The following TEK variants were observed in gnomAD, a reference collection of about 807,000 sequenced individuals.
TEK encodes TEK receptor tyrosine kinase, also known as angiopoietin-1 receptor.
Under a neutral mutation model 131.8 loss-of-function variants are expected in TEK, and 43 were observed. That is an observed-to-expected ratio of 0.33 (90% confidence interval 0.26 to 0.42). The LOEUF (loss-of-function observed/expected upper bound fraction) is 0.42. Ranked by LOEUF, TEK falls within the 10% of genes least tolerant of loss-of-function variation. TEK has a pLI of 1.00. For missense variants in TEK, 1,162 were observed against 1,384.4 expected (o/e 0.84, Z 2.55); for synonymous variants, 580 against 491.6 (o/e 1.18, Z -2.38).
rs555570860 is a variant in TEK at position 27,188,576 on chromosome 9, GC to G, written c.1328-1951del. 1.4e-3 allele frequency among the ~76,000 whole-genome samples: 220 copies of G among 152,254 alleles called. 1 individual carries two copies. The highest frequency in any genetic ancestry group is 5.1e-3 in the African/African-American group (212 of 41,562). ...ACTTACAGCACTGCCCTCCTTTCTA[GC>G]CTAAGTGAAATGTGTACTCAGACTT... On this transcript the variant is annotated intron_variant, in intron 9 of 22. Coordinates refer to ENST00000380036, the MANE Select transcript of TEK (RefSeq NM_000459.5).
chr9:27,136,434 T>G lies in TEK; in HGVS notation c.53-21397T>G, dbSNP rs551550310. On this transcript the variant is annotated intron_variant, in intron 1 of 22. Coordinates refer to ENST00000380036, the MANE Select transcript of TEK (RefSeq NM_000459.5). ...ACTGAGCTGCGGCTTCAATTGACTT[T>G]ACTTTAATTCACTCACTCTTATGCC... Among the ~76,000 whole-genome samples the G allele has an allele frequency of 9.7e-4, 147 of 152,300 alleles. 1 individual carries two copies. The highest frequency in any genetic ancestry group is 3.3e-3 in the African/African-American group (138 of 41,562).
intron 2 of TEK, among the ~76,000 whole-genome samples, chr9:27,158,903 C>T (rs557659575): frequency 5.3e-5 from 8 of 152,328 alleles, no homozygotes; most frequent in African/African-American, 1.9e-4. Context: ...TCGTGATCTG[C>T]CCGCCATGGC....
In TEK at chr9:27,158,014, C is replaced by T; in HGVS notation, c.236C>T (p.Thr79Ile). 2 of 1,613,900 alleles carry T rather than the reference C, an allele frequency of 1.2e-6. No individual in the cohort carries two copies. The highest frequency in any genetic ancestry group is 3.3e-5 in the Admixed American group (2 of 59,984). Residue 79 changes from threonine to isoleucine, a missense_variant, in exon 2 of 23, where the codon ACC (threonine) becomes ATC (isoleucine). Transcript: ENST00000380036. ...CCGCTGGAAGTTACTCAAGATGTGA[C>T]CAGAGAATGGGCTAAAAAAGTTGTT... ...QDPLEVTQDV[T>I]REWAKKVVWK...
At chr9:27,124,346 T>C (rs1268217988) in intron 1 of TEK, among the ~76,000 whole-genome samples, 2 of 152,256 alleles carry the variant, frequency 1.3e-5, no homozygotes, top group Non-Finnish European at 2.9e-5. Flanking sequence ...GCTCTGCTCC[T>C]TGCTGTAGGT....
At chr9:27,153,089 G>A (rs1823191497) in intron 1 of TEK, among the ~76,000 whole-genome samples, 2 of 152,168 alleles carry the variant, frequency 1.3e-5, no homozygotes, top group African/African-American at 4.8e-5. Flanking sequence ...TGTTAACTTG[G>A]TAGACGTCAT....
intron 18 of TEK, among the ~76,000 whole-genome samples, chr9:27,216,100 A>G (rs7033791): frequency 0.012 from 1,827 of 152,288 alleles, 38 homozygotes; most frequent in African/African-American, 0.042. Context: ...TGGAAGAGGA[A>G]GCAAGGATAA....
intron 1 of TEK, among the ~76,000 whole-genome samples, chr9:27,118,548 C>T (rs975234044): frequency 1.3e-5 from 2 of 152,148 alleles, no homozygotes; most frequent in East Asian, 1.9e-4. Flanking sequence ...ATAGATGGAT[C>T]GCTTTAGCCT....
chr9:27,198,932 G>A (rs1395947714), intron 12 of TEK, among the ~76,000 whole-genome samples: 9 of 151,950 alleles, frequency 5.9e-5, no homozygotes, highest in Non-Finnish European at 1.3e-4. Flanking sequence ...TGAGTAGCTG[G>A]GACCACAGGC....
At chr9:27,224,690 C>T (rs1826238111) in intron 21 of TEK, among the ~76,000 whole-genome samples, 1 of 152,152 alleles carries the variant, frequency 6.6e-6, no homozygotes, top group Non-Finnish European at 1.5e-5. Context: ...CCTTTGAAAA[C>T]CGGCATAAGA....
chr9:27,173,922 C>T (rs1428041961), intron 6 of TEK, among the ~76,000 whole-genome samples: 1 of 139,124 alleles, frequency 7.2e-6, no homozygotes, highest in Admixed American at 7.3e-5. Context: ...AGAGTGAGAC[C>T]TCGTTTAAAA....
At chr9:27,227,400 G>A (rs1380614889) in intron 21 of TEK, among the ~76,000 whole-genome samples, 1 of 152,154 alleles carries the variant, frequency 6.6e-6, no homozygotes, top group Non-Finnish European at 1.5e-5. Context: ...AATTACTTTG[G>A]AAACTTTGTG....
In TEK at chr9:27,178,562, A is replaced by G. The variant is rs76467418; in HGVS notation, c.902-1678A>G. 2.2e-4 allele frequency among the ~76,000 whole-genome samples: 34 copies of G among 152,292 alleles called. No homozygotes were observed. The East Asian group carries it at 5.6e-3, about 25-fold the overall frequency. ...AGATAACTTAGTTGTGATTGATACT[A>G]AAAATAAAGACTGCATTTTAGCTGG... On this transcript the variant is annotated intron_variant, in intron 6 of 22. Transcript: ENST00000380036.
At chr9:27,137,827 T>C (rs1237247351) in intron 1 of TEK, among the ~76,000 whole-genome samples, 2 of 151,808 alleles carry the variant, frequency 1.3e-5, no homozygotes, top group African/African-American at 4.9e-5. Context: ...CCTTTCCTGG[T>C]TGTATTAGTT....
intron 21 of TEK, among the ~76,000 whole-genome samples, chr9:27,226,556 G>T (rs1365138859): frequency 6.6e-6 from 1 of 151,312 alleles, no homozygotes; most frequent in African/African-American, 2.4e-5. Context: ...ACAGGGAGGG[G>T]AATATCACAC....
At chr9:27,112,905 C>G (rs761172714) in intron 1 of TEK, among the ~76,000 whole-genome samples, 1 of 152,170 alleles carries the variant, frequency 6.6e-6, no homozygotes, top group Non-Finnish European at 1.5e-5. Context: ...TGAATGACAC[C>G]TAGGTTTTGG....
intron 1 of TEK, among the ~76,000 whole-genome samples, chr9:27,131,728 G>A (rs1245767856): frequency 6.6e-6 from 1 of 151,120 alleles, no homozygotes; most frequent in Non-Finnish European, 1.5e-5. Flanking sequence ...GGTCTCTTGA[G>A]CCCTGGATGT....
At chr9:27,185,357 C>A in intron 8 of TEK, 128 bp from the exon 9 acceptor site, 1 of 1,148,902 alleles carries the variant, frequency 8.7e-7, no homozygotes, top group Non-Finnish European at 1.3e-6. Context: ...ATTATATTAG[C>A]ATTACATTTA....
chr9:27,115,825 T>TA (rs1821534368), intron 1 of TEK, among the ~76,000 whole-genome samples: 1 of 152,206 alleles, frequency 6.6e-6, no homozygotes, highest in South Asian at 2.1e-4. Context: ...AGTGAAGCTG[T>TA]AATGTAGGAT....
intron 12 of TEK, among the ~76,000 whole-genome samples, chr9:27,200,924 C>T (rs1587005490): frequency 2.6e-5 from 4 of 152,176 alleles, no homozygotes; most frequent in East Asian, 1.9e-4. Context: ...GGAACTAGTA[C>T]GGCATGGGGA....
Sources: allele counts gnomAD v4.1 joint callset (sites outside exome capture counted in the v4.1 genomes callset), GRCh38; gene constraint gnomAD v4.1.1; transcripts MANE v1.5; gene names NCBI Gene and HGNC (gene_info 2026-07-23, HGNC 2026-07-21).